The following PCLO variants were observed in gnomAD, a reference collection of about 807,000 sequenced individuals.
PCLO encodes the protein piccolo presynaptic cytomatrix protein, also known as protein piccolo.
PCLO carries 82 observed loss-of-function variants against 427.5 expected under a neutral mutation model. The observed-to-expected ratio is 0.19, with a 90% CI of 0.16 to 0.23. The LOEUF (loss-of-function observed/expected upper bound fraction) is 0.23. Ranked by LOEUF, PCLO falls within the 10% of genes least tolerant of loss-of-function variation. The pLI, the probability that PCLO is intolerant of heterozygous loss-of-function variation, is 1.00. For synonymous variants in PCLO, 2,357 were observed against 2,155.4 expected, an observed-to-expected ratio of 1.09 and a Z score of -2.59; for missense variants, 6,239 against 6,115.9, an observed-to-expected ratio of 1.02 and a Z score of -0.67.
intron 22 of PCLO, among the ~76,000 whole-genome samples, chr7:82,773,706 T>C (rs17283419): frequency 0.4 from 60,183 of 151,618 alleles, 14,647 homozygotes; most frequent in East Asian, 0.71. Context: ...TATTTCTTCT[T>C]AATCCACTTG....
rs190567016 is a variant in PCLO, at chr7:83,079,501, G to A, written c.3300+54749C>T. ...AACTCTTCTTTCAGCACTTCCTTCCGATTTCCAGTTTTTAAATTTTTCTAA... is the reference window on the plus strand; with the variant it reads ...AACTCTTCTTTCAGCACTTCCTTCCAATTTCCAGTTTTTAAATTTTTCTAA... On this transcript the variant is annotated intron_variant, in intron 3 of 24. Coordinates refer to ENST00000333891, the MANE Select transcript of PCLO (RefSeq NM_033026.6). Among the ~76,000 whole-genome samples, 11 of 150,442 alleles carry A rather than the reference G, an allele frequency of 7.3e-5. No individual in the cohort carries two copies. The East Asian group carries it at 1.0e-3, about 14-fold the overall frequency.
chr7:83,093,011 T>A (rs1054164626), intron 3 of PCLO, among the ~76,000 whole-genome samples: 1 of 149,872 alleles, frequency 6.7e-6, no homozygotes, highest in Admixed American at 6.7e-5. Flanking sequence ...ATTGAAGTAA[T>A]AGAAAGATAA....
intron 3 of PCLO, among the ~76,000 whole-genome samples, chr7:83,015,184 C>T (rs1235775254): frequency 1.3e-5 from 2 of 152,112 alleles, no homozygotes; most frequent in Non-Finnish European, 2.9e-5. Flanking sequence ...CTGCTTTGCA[C>T]AATAACATAT....
At chr7:82,962,308 A>G (rs1037658671) in intron 4 of PCLO, among the ~76,000 whole-genome samples, 1 of 152,162 alleles carries the variant, frequency 6.6e-6, no homozygotes, top group East Asian at 1.9e-4. Context: ...TTTCTCAATA[A>G]GAAAAATCAC....
intron 22 of PCLO, 22 bp from the exon 23 acceptor site, chr7:82,761,515 G>T: frequency 2.6e-6 from 4 of 1,562,080 alleles, no homozygotes; most frequent in Non-Finnish European, 2.6e-6. Flanking sequence ...TAATAAAAAT[G>T]CAAAGAAGTA....
rs1323913712 is a variant in PCLO at position 82,953,217 on chromosome 7, G to A, written c.7736C>T (p.Thr2579Ile). Residue 2579 changes from threonine to isoleucine, a missense_variant, in exon 5 of 25, where the codon ACT becomes ATT. This residue lies in a region of PCLO where 4,677 missense variants were observed against 4,468.4 expected (regional missense o/e 1.05). Transcript: ENST00000333891. ...AGATGGCAATGTAATAACTACATAA[G>A]TTTCTGTGAGGGATTTGGAAAATCT... ...SPRFSKSLTE[T>I]YVVITLPSEP... 2 of 1,613,970 alleles carry A rather than the reference G, an allele frequency of 1.2e-6. No individual in the cohort carries two copies. Among genetic ancestry groups the A allele is most frequent in the Admixed American group, 1.7e-5 (1 of 60,018 alleles).
At chr7:82,869,571 G>A (rs1397265904) in intron 10 of PCLO, among the ~76,000 whole-genome samples, 6 of 152,106 alleles carry the variant, frequency 3.9e-5, no homozygotes, top group Middle Eastern at 6.9e-3. Flanking sequence ...ATCCACCTAC[G>A]AAATGCCAGG....
intron 3 of PCLO, among the ~76,000 whole-genome samples, chr7:82,978,853 CACAA>C (rs1311039014): frequency 3.9e-4 from 35 of 90,778 alleles, no homozygotes; most frequent in African/African-American, 8.8e-4. Context: ...CACACACACA[CACAA>C]ACACACACAC....
Position 83,155,321 on chromosome 7 carries a change from T to A in PCLO, c.1320A>T (p.Pro440=), listed in dbSNP as rs1338317642. 6.2e-7 allele frequency: 1 copy of A among 1,613,830 alleles called. No individual in the cohort carries two copies. Among genetic ancestry groups the A allele is most frequent in the Admixed American group, 1.7e-5 (1 of 60,000 alleles). The part of the protein sequence containing the change: ...PAKAPGPTKT[P]VQQPGPGKIP... ...TCTTTCCTGGCCCAGGCTGCTGAAC[T>A]GGAGTCTTTGTAGGCCCAGGTGCCT... is the stretch of plus-strand genomic sequence containing the variant. The change falls in exon 2 of 25, where the codon CCA becomes CCT. Residue 440 remains proline (P), a synonymous_variant. Transcript: ENST00000333891.
At position 82,916,540 on chromosome 7, in the gene PCLO, T is replaced by G; in HGVS notation, c.11446A>C (p.Arg3816=). ...AGGTAGGCTCGTTCTCTCTTTTCTC[T>G]CTCCTTTAATAGGGCCTCTTTCCTC... is the stretch of plus-strand genomic sequence containing the variant. ...NRRKEALLKE[R]EKRERAYLQG... The change falls in exon 7 of 25, where the codon AGA becomes CGA. Residue 3816 remains arginine (R), a synonymous_variant. Transcript: ENST00000333891. 1 of 1,613,670 alleles carries G rather than the reference T, an allele frequency of 6.2e-7. No individual in the cohort carries two copies. The highest frequency in any genetic ancestry group is 8.5e-7 in the Non-Finnish European group (1 of 1,179,738).
At chr7:83,093,659 ATT>A (rs569413561) in intron 3 of PCLO, among the ~76,000 whole-genome samples, 1 of 148,712 alleles carries the variant, frequency 6.7e-6, no homozygotes, top group South Asian at 2.1e-4. Context: ...CACCCGGCTA[ATT>A]TTTTTTATTT....
intron 10 of PCLO, among the ~76,000 whole-genome samples, chr7:82,877,018 T>A (rs1272960856): frequency 6.6e-6 from 1 of 152,136 alleles, no homozygotes; most frequent in Non-Finnish European, 1.5e-5. Flanking sequence ...CCAATTAAAT[T>A]GCAAAAATAT....
In PCLO at chr7:82,756,671, T is replaced by G. The variant is rs758916269; in HGVS notation, c.*1904A>C. ...TATCCAACCAATATCTAGAGTTGGTTTTCTCTAATTCCACTAACACTTCAC... is the reference window on the plus strand; with the variant it reads ...TATCCAACCAATATCTAGAGTTGGTGTTCTCTAATTCCACTAACACTTCAC... On this transcript the variant is annotated 3_prime_UTR_variant, in exon 25 of 25. Coordinates refer to ENST00000333891, the MANE Select transcript of PCLO (RefSeq NM_033026.6). The G allele has an allele frequency of 3.3e-5, 5 of 151,994 alleles. No individual in the cohort carries two copies. The highest frequency in any genetic ancestry group is 6.6e-5 in the Admixed American group (1 of 15,232). 9.4% of individuals were successfully genotyped at this position (151,994 alleles called of 1,614,324 possible).
chr7:83,085,052 G>A (rs1033164495), intron 3 of PCLO, among the ~76,000 whole-genome samples: 3 of 152,018 alleles, frequency 2.0e-5, no homozygotes, highest in Admixed American at 6.6e-5. Context: ...AAATCAACTT[G>A]TCTTCCCTGT....
chr7:82,869,428 T>TC (rs1169340684), intron 10 of PCLO, among the ~76,000 whole-genome samples: 1 of 152,046 alleles, frequency 6.6e-6, no homozygotes, highest in African/African-American at 2.4e-5. Flanking sequence ...TTAATCAGTC[T>TC]CTTCAATGAA....
rs1442292916 is a variant in PCLO, at chr7:82,761,459, T to A, written c.15042A>T (p.Ala5014=). ...KTQVMGEIKI[A]LKKEMKTDGE... ...CATCTGTCTTCATTTCCTTCTTCAA[T>A]GCAATCTTGATTTCTCCCATTACCT... is the stretch of plus-strand genomic sequence containing the variant. The change falls in exon 23 of 25, where the codon GCA becomes GCT. Residue 5014 remains alanine (A), a synonymous_variant. Transcript: ENST00000333891. 2 of 1,599,094 alleles carry A rather than the reference T, an allele frequency of 1.3e-6. No individual in the cohort carries two copies.
At chr7:83,133,946 A>T (rs1334728446) in intron 3 of PCLO, among the ~76,000 whole-genome samples, 2 of 151,512 alleles carry the variant, frequency 1.3e-5, no homozygotes, top group East Asian at 3.9e-4. Flanking sequence ...AAAAGCTATT[A>T]TTTTTTTCTT....
At position 82,879,395 on chromosome 7, in the gene PCLO, G is replaced by C. The variant is rs937469570; in HGVS notation, c.13596C>G (p.Ala4532=). 4 of 1,610,988 alleles carry C rather than the reference G, an allele frequency of 2.5e-6. No individual in the cohort carries two copies. The highest frequency in any genetic ancestry group is 3.3e-5 in the Admixed American group (2 of 59,870). The change falls in exon 10 of 25, where the codon GCC becomes GCG. Residue 4532 remains alanine, a synonymous_variant. Transcript: ENST00000333891. ...EIPGHSGEIG[A]YIAKILPGGS... ...CCCCAGGAAGAATCTTGGCAATATA[G>C]GCTCCAATTTCTCCACTATGTCCCG...
At chr7:83,009,315 C>A (rs906669454) in intron 3 of PCLO, among the ~76,000 whole-genome samples, 2 of 151,730 alleles carry the variant, frequency 1.3e-5, no homozygotes, top group Non-Finnish European at 3.0e-5. Context: ...ATTATTTGGA[C>A]AAATCATTTT....
Sources: gnomAD v4.1 joint callset for allele counts (sites outside exome capture counted in the v4.1 genomes callset) on GRCh38, gnomAD v4.1.1 for gene constraint, gnomAD v4.1.1 regional missense constraint, MANE v1.5 for transcripts, NCBI Gene and HGNC (gene_info 2026-07-23, HGNC 2026-07-21) for gene names.